TPRN: variants seen among roughly 807,000 people sequenced by gnomAD.
The protein encoded by TPRN is chromosome 9 open reading frame 75.
A neutral mutation model predicts 42.6 loss-of-function variants in TPRN; 32 were observed. That is an observed-to-expected ratio of 0.75 (90% confidence interval 0.57 to 1.01). The LOEUF is 1.01. TPRN is among the 50% of genes least tolerant of loss of function. The pLI, the probability that TPRN is intolerant of heterozygous loss-of-function variation, is 0.00. For synonymous variants in TPRN, 541 were observed against 445.6 expected (o/e 1.21, Z -2.70); for missense variants, 1,095 against 957.5 (o/e 1.14, Z -1.90).
rs1377024587 is a variant in TPRN at position 137,199,624 on chromosome 9, G to A, written c.1088C>T (p.Pro363Leu). The change falls in exon 1 of 4, where the codon CCG becomes CTG. Residue 363 changes from proline to leucine, a missense_variant. Transcript: ENST00000409012. ...LPKGDLGPAS[P>L]SQELGSQPVP... Reference sequence around the variant, plus strand: ...CGGCTGGGATCCGAGCTCCTGGCTCGGGGAGGCCGGGCCCAGGTCTCCCTT... The same window carrying A: ...CGGCTGGGATCCGAGCTCCTGGCTCAGGGAGGCCGGGCCCAGGTCTCCCTT... The A allele has an allele frequency of 3.1e-5, 48 of 1,561,478 alleles. No homozygotes were observed. The highest frequency in any genetic ancestry group is 3.8e-5 in the Non-Finnish European group (44 of 1,153,532).
chr9:137,195,415 G>A (rs529221515), intron 1 of TPRN, among the ~76,000 whole-genome samples: 23 of 152,348 alleles, frequency 1.5e-4, no homozygotes, highest in African/African-American at 4.8e-4. Flanking sequence ...AGACGAGAAG[G>A]AAAGGAAAAC....
chr9:137,196,779 G>A (rs948337623), intron 1 of TPRN, among the ~76,000 whole-genome samples: 4 of 152,126 alleles, frequency 2.6e-5, no homozygotes, highest in Non-Finnish European at 4.4e-5. Context: ...GCAGCCCCAC[G>A]CCTCTGTCCC....
rs1436864762 is a variant in TPRN, at chr9:137,200,146, G to C, written c.566C>G (p.Pro189Arg). ...GAGGAAGTCGCTGCGCCGGGCCCCG[G>C]GGCTCGCCCCGCCACCGCGGGGCCC... ...APGPRGGGAS[P>R]GARRSDFLQK... The change falls in exon 1 of 4, where the codon CCC (proline) becomes CGC (arginine). Residue 189 changes from proline to arginine, a missense_variant. Physicochemically the swap from Pro to Arg is moderately radical, Grantham distance 103. Transcript: ENST00000409012. The surrounding 1 kb of genome is among the most constrained non-coding windows in gnomAD (Gnocchi z 4.3). 3 of 1,219,620 alleles carry C rather than the reference G, an allele frequency of 2.5e-6. No homozygotes were observed. In the South Asian group the frequency reaches 1.2e-4, roughly 50 times the overall value. The allele number at this position is 1,219,620 out of a possible 1,614,324, so 75.5% of individuals were successfully genotyped here.
At position 137,198,987 on chromosome 9, in the gene TPRN, C is replaced by T; in HGVS notation, c.1725G>A (p.Lys575=). 6.2e-7 allele frequency: 1 copy of T among 1,612,864 alleles called. No individual in the cohort carries two copies. Among genetic ancestry groups the T allele is most frequent in the Non-Finnish European group, 8.5e-7 (1 of 1,179,964 alleles). The change falls in exon 1 of 4, where the codon AAG becomes AAA. Residue 575 remains lysine (K), a splice_region_variant and synonymous_variant. Coordinates refer to ENST00000409012, the MANE Select transcript of TPRN (RefSeq NM_001128228.3). ...CLTKAGSSRK[K]MKISFNDKSL... ...CAGTGGCCCTGCCCCCACCACTGACCTTCTTTCTTGAGGAGCCAGCCTTGG... is the reference window on the plus strand; with the variant it reads ...CAGTGGCCCTGCCCCCACCACTGACTTTCTTTCTTGAGGAGCCAGCCTTGG...
Position 137,200,016 on chromosome 9 carries a change from G to A in TPRN, c.696C>T (p.Ala232=), listed in dbSNP as rs1171424496. ...SNGHSAPEPR[A]GPANRLAGSP... ...AGCCCGCGAGGCGGTTGGCAGGGCC[G>A]GCCCGGGGCTCAGGGGCCGAGTGCC... is the stretch of plus-strand genomic sequence containing the variant. Residue 232 remains alanine, a synonymous_variant, in exon 1 of 4, where the codon GCC becomes GCT. Transcript: ENST00000409012. The surrounding 1 kb of genome is among the most constrained non-coding windows in gnomAD (Gnocchi z 4.3). 4 of 1,443,502 alleles carry A rather than the reference G, an allele frequency of 2.8e-6. No individual in the cohort carries two copies. The highest frequency in any genetic ancestry group is 3.6e-6 in the Non-Finnish European group (4 of 1,104,652). 89.4% of individuals were successfully genotyped at this position (1,443,502 alleles called of 1,614,324 possible). A position where few individuals can be genotyped will look rare whatever the true frequency, so the allele number is the denominator to read the frequency against.
Position 137,192,101 on chromosome 9 carries a change from C to A in TPRN, c.*11G>T, listed in dbSNP as rs1365283468. ...CAGCTGGGCTCAGCCTTGGTCCTGG[C>A]AGTGCTGGGCTCAGAAATACAGGGC... is the stretch of plus-strand genomic sequence containing the variant. On this transcript the variant is annotated 3_prime_UTR_variant, in exon 4 of 4. Transcript: ENST00000409012. 1 of 1,612,120 alleles carries A rather than the reference C, an allele frequency of 6.2e-7. No individual in the cohort carries two copies. Among genetic ancestry groups the A allele is most frequent in the Admixed American group, 1.7e-5 (1 of 60,020 alleles).
At chr9:137,192,750 G>A in intron 1 of TPRN, 59 bp from the exon 2 acceptor site, 1 of 1,587,730 alleles carries the variant, frequency 6.3e-7, no homozygotes, top group South Asian at 1.1e-5. Flanking sequence ...AGTGATGCCA[G>A]GGGCTCAGGT....
At position 137,191,793 on chromosome 9, in the gene TPRN, CAG is replaced by C. The variant is rs1225658397; in HGVS notation, c.*317_*318del. 6 of 458,866 alleles carry C rather than the reference CAG, an allele frequency of 1.3e-5. No homozygotes were observed. The highest frequency in any genetic ancestry group is 4.4e-5 in the East Asian group (1 of 22,632). 28.4% of individuals were successfully genotyped at this position (458,866 alleles called of 1,614,324 possible). A position where few individuals can be genotyped will look rare whatever the true frequency, so the allele number is the denominator to read the frequency against. ...TGTGAGGCAGGCTGAGGAGACAGGA[CAG>C]GGAATGGCCAGGTGCAGAATCTGCA... On this transcript the variant is annotated 3_prime_UTR_variant, in exon 4 of 4. Transcript: ENST00000409012.
chr9:137,199,986 C>G lies in TPRN; in HGVS notation c.726G>C (p.Pro242=). Residue 242 remains proline (P), a synonymous_variant, in exon 1 of 4, where the codon CCG becomes CCC. Coordinates refer to ENST00000409012, the MANE Select transcript of TPRN (RefSeq NM_001128228.3). The stretch of plus-strand genomic sequence containing the variant: ...TTGGCTTCCACTGTCCCGACCCAGG[C>G]GGGGAGCCCGCGAGGCGGTTGGCAG... ...AGPANRLAGS[P]PGSGQWKPKV... 6.9e-7 allele frequency: 1 copy of G among 1,444,722 alleles called. No homozygotes were observed. Among genetic ancestry groups the G allele is most frequent in the Non-Finnish European group, 9.1e-7 (1 of 1,102,968 alleles). 89.5% of individuals were successfully genotyped at this position (1,444,722 alleles called of 1,614,324 possible). A position where few individuals can be genotyped will look rare whatever the true frequency, so the allele number is the denominator to read the frequency against.
chr9:137,199,867 C>A lies in TPRN; in HGVS notation c.845G>T (p.Ser282Ile). ...GGCTGCGGAGACGCACTGGCGCTGGCTAGGAGTGGCACTGGCAGGGGGTGA... is the reference window on the plus strand; with the variant it reads ...GGCTGCGGAGACGCACTGGCGCTGGATAGGAGTGGCACTGGCAGGGGGTGA... ...PASPPASATP[S>I]QRQCVSAATS... The change falls in exon 1 of 4, where the codon AGC (serine) becomes ATC (isoleucine). Residue 282 changes from serine (S) to isoleucine (I), a missense_variant. Ser to Ile is a moderately radical substitution (Grantham distance 142). Coordinates refer to ENST00000409012, the MANE Select transcript of TPRN (RefSeq NM_001128228.3). 1.4e-6 allele frequency: 2 copies of A among 1,459,872 alleles called. No homozygotes were observed. The highest frequency in any genetic ancestry group is 2.9e-5 in the East Asian group (1 of 35,038). The allele number at this position is 1,459,872 out of a possible 1,614,324, so 90.4% of individuals were successfully genotyped here. A position where few individuals can be genotyped will look rare whatever the true frequency, so the allele number is the denominator to read the frequency against.
At position 137,199,089 on chromosome 9, in the gene TPRN, C is replaced by A; in HGVS notation, c.1623G>T (p.Thr541=). The stretch of plus-strand genomic sequence containing the variant: ...GCACGGTGGGGTAGCGCTTCTTCAA[C>A]GTGGGCCCCAGGAGGCAACTAGCCT... ...EEEASCLLGP[T]LKKRYPTVHE... is the part of the protein sequence containing the mutation. Residue 541 remains threonine (T), a synonymous_variant, in exon 1 of 4, where the codon ACG becomes ACT. Transcript: ENST00000409012. The A allele has an allele frequency of 6.2e-7, 1 of 1,613,258 alleles. No individual in the cohort carries two copies. Among genetic ancestry groups the A allele is most frequent in the Non-Finnish European group, 8.5e-7 (1 of 1,179,984 alleles).
rs778804291 is a variant in TPRN, at chr9:137,192,278, G to A, written c.2054C>T (p.Pro685Leu). The A allele has an allele frequency of 1.9e-6, 3 of 1,613,052 alleles. No individual in the cohort carries two copies. Among genetic ancestry groups the A allele is most frequent in the Admixed American group, 3.3e-5 (2 of 60,024 alleles). The change falls in exon 3 of 4, where the codon CCC (proline) becomes CTC (leucine). Residue 685 changes from proline (P) to leucine (L), a missense_variant. Transcript: ENST00000409012. ...TCTCACCATGGCCTCCACGGGCGGG[G>A]GCTCTGCCTCCCTCGGGGCCTGCTC... ...ALEQAPREAE[P>L]PPVEAMLTPA... is the part of the protein sequence containing the mutation.
chr9:137,196,013 C>G (rs555406171), intron 1 of TPRN, among the ~76,000 whole-genome samples: 1 of 152,298 alleles, frequency 6.6e-6, no homozygotes, highest in East Asian at 1.9e-4. Flanking sequence ...GCCAGCAGCT[C>G]CCCACTGCCC....
At position 137,198,983 on chromosome 9, in the gene TPRN, T is replaced by C; in HGVS notation, c.1725+4A>G. 2 of 1,612,842 alleles carry C rather than the reference T, an allele frequency of 1.2e-6. No individual in the cohort carries two copies. Among genetic ancestry groups the C allele is most frequent in the Non-Finnish European group, 1.7e-6 (2 of 1,179,944 alleles). On this transcript the variant is annotated splice_donor_region_variant and intron_variant, in intron 1 of 3. Transcript: ENST00000409012. ...CAGCCAGTGGCCCTGCCCCCACCAC[T>C]GACCTTCTTTCTTGAGGAGCCAGCC...
intron 1 of TPRN, among the ~76,000 whole-genome samples, chr9:137,197,184 C>T (rs1308165222): frequency 2.0e-5 from 3 of 152,292 alleles, no homozygotes; most frequent in South Asian, 2.1e-4. Flanking sequence ...CTGCAAGCTC[C>T]GCCTCCCGGG....
chr9:137,192,827 C>T, intron 1 of TPRN, 136 bp from the exon 2 acceptor site: 1 of 906,302 alleles, frequency 1.1e-6, no homozygotes, highest in South Asian at 1.5e-5. Flanking sequence ...CCGGGGGCTC[C>T]AGGAGGGGGC....
Position 137,192,333 on chromosome 9 carries a change from C to T in TPRN, c.1999G>A (p.Ala667Thr). 1 of 1,613,052 alleles carries T rather than the reference C, an allele frequency of 6.2e-7. No individual in the cohort carries two copies. The highest frequency in any genetic ancestry group is 8.5e-7 in the Non-Finnish European group (1 of 1,180,028). The change falls in exon 3 of 4, where the codon GCC becomes ACC. Residue 667 changes from alanine (A) to threonine (T), a missense_variant. Physicochemically the swap from Ala to Thr is moderately conservative, Grantham distance 58. Transcript: ENST00000409012. ...GCCTGCTCCTGCCACTTGCTGAAGG[C>T]CACAGAGTGCTTCGGGGTGTAGCTG... ...LSSYTPKHSVAFSKWQEQALE... is the reference protein window; with the variant it reads ...LSSYTPKHSVTFSKWQEQALE...
Position 137,200,598 on chromosome 9 carries a change from C to T in TPRN, c.114G>A (p.Gly38=). The T allele has an allele frequency of 2.6e-6, 3 of 1,156,602 alleles. No individual in the cohort carries two copies. The highest frequency in any genetic ancestry group is 1.6e-5 in the African/African-American group (1 of 60,872). The allele number at this position is 1,156,602 out of a possible 1,614,324, so 71.6% of individuals were successfully genotyped here. The change falls in exon 1 of 4, where the codon GGG becomes GGA. Residue 38 remains glycine, a synonymous_variant. Transcript: ENST00000409012. This position sits in a 1 kb window ranked among gnomAD's most constrained non-coding sequence, Gnocchi z 4.3. ...GCTGCTCGGGCTCCGCCGCCCCGGG[C>T]CCCGCGCCCCCGCCCAGCGCGGCTA... The part of the protein sequence containing the change: ...AKLAALGGGA[G]PGAAEPEQRV...
At chr9:137,192,734 G>A (rs756665626) in intron 1 of TPRN, 43 bp from the exon 2 acceptor site, 2 of 1,604,148 alleles carry the variant, frequency 1.2e-6, no homozygotes, top group African/African-American at 2.7e-5. Context: ...GGGCCCACAT[G>A]GGCACAGTGA....
Sources: allele counts gnomAD v4.1 joint callset (sites outside exome capture counted in the v4.1 genomes callset), GRCh38; gene constraint gnomAD v4.1.1; non-coding constraint Gnocchi (gnomAD v3.1); transcripts MANE v1.5; gene names NCBI Gene and HGNC (gene_info 2026-07-23, HGNC 2026-07-21).